The following JADE3 variants were observed in gnomAD, a reference collection of about 807,000 sequenced individuals.
JADE3 encodes protein Jade-3.
Under a neutral mutation model 50.1 loss-of-function variants are expected in JADE3, and 2 were observed. The ratio of observed to expected loss-of-function variants is 0.04; its 90% CI spans 0.02 to 0.13. JADE3 has a LOEUF of 0.13. Ranked by LOEUF, JADE3 falls within the 10% of genes least tolerant of loss-of-function variation. JADE3 has a pLI of 1.00. For missense variants in JADE3, 475 were observed against 634.4 expected (o/e 0.75, Z 2.70); for synonymous variants, 218 against 232.9 (o/e 0.94, Z 0.58).
chrX:47,045,452 G>C (rs1300975186), intron 8 of JADE3, among the ~76,000 whole-genome samples: 2 of 112,441 alleles, frequency 1.8e-5, no homozygotes, highest in Admixed American at 9.4e-5. Context: ...TAAAATAATA[G>C]CTAGAGACTT....
At chrX:46,925,099 A>C (rs1351072721) in intron 1 of JADE3, among the ~76,000 whole-genome samples, 2 of 112,010 alleles carry the variant, frequency 1.8e-5, no homozygotes, top group African/African-American at 3.2e-5. Context: ...TCAATCTAGA[A>C]AGGTTTAATT....
chrX:47,033,918 CCACTTG>C, intron 7 of JADE3, 130 bp downstream of exon 7: 1 of 519,628 alleles, frequency 1.9e-6, no homozygotes, highest in Non-Finnish European at 3.0e-6. Flanking sequence ...AATAGTACTT[CCACTTG>C]AGCTACCTCA....
chrX:46,985,772 G>A lies in JADE3; in HGVS notation c.106G>A (p.Glu36Lys). Residue 36 changes from glutamate to lysine, a missense_variant, in exon 3 of 11, where the codon GAA (glutamate) becomes AAA (lysine). Physicochemically the swap from Glu to Lys is moderately conservative, Grantham distance 56 (BLOSUM62 1). Around this residue, in one of 6 missense-constraint regions of JADE3, gnomAD observed 31 missense variants for 29.3 expected, o/e 1.06. Transcript: ENST00000614628. Reference sequence around the variant, plus strand: ...TAGGATCAAGTCAAAAATTCCAAATGAACACAAGAAACCTGCTGAGGTGAG... The same window carrying A: ...TAGGATCAAGTCAAAAATTCCAAATAAACACAAGAAACCTGCTGAGGTGAG... ...MYRIKSKIPNEHKKPAEVFRK... is the reference protein window; with the variant it reads ...MYRIKSKIPNKHKKPAEVFRK... The A allele has an allele frequency of 8.4e-7, 1 of 1,191,028 alleles. No homozygotes were observed. Among genetic ancestry groups the A allele is most frequent in the Non-Finnish European group, 1.1e-6 (1 of 877,263 alleles).
Position 47,039,009 on chromosome X carries a change from A to G in JADE3, c.916A>G (p.Ser306Gly). 8.3e-7 allele frequency: 1 copy of G among 1,202,761 alleles called. No individual in the cohort carries two copies. The highest frequency in any genetic ancestry group is 1.1e-6 in the Non-Finnish European group (1 of 888,026). Residue 306 changes from serine to glycine, a missense_variant, in exon 8 of 11, where the codon AGT becomes GGT. Around this residue, in one of 6 missense-constraint regions of JADE3, gnomAD observed 54 missense variants for 156.2 expected, o/e 0.35. Transcript: ENST00000614628. ...PITKISHIPP[S>G]RWALVCNLCK... ...CACGAAGATCTCCCACATCCCACCCAGTCGGTGGGCCTTAGTCTGCAACTT... is the reference window on the plus strand; with the variant it reads ...CACGAAGATCTCCCACATCCCACCCGGTCGGTGGGCCTTAGTCTGCAACTT...
chrX:47,038,712 A>C (rs1171580484), intron 7 of JADE3, among the ~76,000 whole-genome samples: 1 of 109,159 alleles, frequency 9.2e-6, no homozygotes, highest in African/African-American at 3.3e-5. Context: ...AATCATGCCT[A>C]GTCTATACTC....
At chrX:47,018,394 C>A (rs971282028) in intron 4 of JADE3, among the ~76,000 whole-genome samples, 3 of 108,924 alleles carry the variant, frequency 2.8e-5, no homozygotes, top group Non-Finnish European at 5.7e-5. Context: ...AGTGCAGTGG[C>A]GCGATCTGGG....
chrX:47,018,097 T>A (rs1928713534), intron 4 of JADE3, among the ~76,000 whole-genome samples: 1 of 111,237 alleles, frequency 9.0e-6, no homozygotes, highest in Non-Finnish European at 1.9e-5. Context: ...TATCCATATT[T>A]CATATAGTAA....
intron 1 of JADE3, among the ~76,000 whole-genome samples, chrX:46,939,609 G>GAAATGTA (rs1290412819): frequency 7.9e-4 from 88 of 111,980 alleles, no homozygotes; most frequent in African/African-American, 2.7e-3. Flanking sequence ...TTCAGGTACT[G>GAAATGTA]TTTCCACTGT....
intron 4 of JADE3, among the ~76,000 whole-genome samples, chrX:47,009,151 C>T (rs201736653): frequency 6.4e-5 from 7 of 110,117 alleles, no homozygotes; most frequent in East Asian, 5.7e-4. Flanking sequence ...AGTGAGACCT[C>T]GTCTCTACAA....
At chrX:47,002,979 C>T (rs1429562200) in intron 4 of JADE3, among the ~76,000 whole-genome samples, 2 of 111,423 alleles carry the variant, frequency 1.8e-5, no homozygotes, top group African/African-American at 3.3e-5. Flanking sequence ...TTCACCTCTA[C>T]TCCTAATGTG....
intron 4 of JADE3, 118 bp from the exon 5 acceptor site, chrX:47,024,606 C>T: frequency 2.4e-6 from 1 of 412,320 alleles, no homozygotes; most frequent in Non-Finnish European, 4.2e-6. Context: ...ATTTGTAAAA[C>T]CATTTGCTTT....
intron 1 of JADE3, among the ~76,000 whole-genome samples, chrX:46,944,300 C>G (rs1212249468): frequency 2.0e-5 from 1 of 49,739 alleles, no homozygotes; most frequent in Non-Finnish European, 3.4e-5. Context: ...TGAGATCTTT[C>G]TCACTTCTTT....
chrX:46,975,385 G>A (rs1556351356), intron 1 of JADE3, among the ~76,000 whole-genome samples: 1 of 112,224 alleles, frequency 8.9e-6, no homozygotes, highest in African/African-American at 3.2e-5. Flanking sequence ...CAGAAAGAAT[G>A]TTTTTATCAA....
intron 1 of JADE3, among the ~76,000 whole-genome samples, chrX:46,976,631 T>C (rs900343900): frequency 1.8e-5 from 2 of 111,997 alleles, no homozygotes; most frequent in Non-Finnish European, 3.8e-5. Context: ...AATAAACAGC[T>C]GAATAATATA....
chrX:47,004,433 C>CT (rs782151712), intron 4 of JADE3, among the ~76,000 whole-genome samples: 5 of 111,101 alleles, frequency 4.5e-5, no homozygotes, highest in African/African-American at 9.8e-5. Flanking sequence ...AATTTGAGTT[C>CT]TTTTTTTTGT....
In JADE3 at chrX:47,042,852, G is replaced by A. The variant is rs143819354; in HGVS notation, c.972+3787G>A. Among the ~76,000 whole-genome samples, 604 of 111,549 alleles carry A rather than the reference G, an allele frequency of 5.4e-3. 2 individuals carry two copies. Among genetic ancestry groups the A allele is most frequent in the Middle Eastern group, 0.033 (7 of 215 alleles). On this transcript the variant is annotated intron_variant, in intron 8 of 10. Transcript: ENST00000614628. ...ATTGTAGAGCCCTTGGGATGTGAAC[G>A]AACATAGGTAGTAGCCAGGCAGTGA...
intron 3 of JADE3, among the ~76,000 whole-genome samples, chrX:46,989,704 G>A (rs1172237384): frequency 2.7e-5 from 3 of 111,413 alleles, no homozygotes; most frequent in African/African-American, 9.8e-5. Flanking sequence ...TCCTCTTTGG[G>A]CTTTAGTCAG....
chrX:46,975,085 C>T (rs1031934286), intron 1 of JADE3, among the ~76,000 whole-genome samples: 38 of 112,589 alleles, frequency 3.4e-4, no homozygotes, highest in African/African-American at 1.2e-3. Flanking sequence ...TTAAGAATCA[C>T]TGCTTAGATC....
chrX:47,055,798 C>A (rs1929621811), intron 9 of JADE3, among the ~76,000 whole-genome samples: 1 of 112,078 alleles, frequency 8.9e-6, no homozygotes, highest in African/African-American at 3.2e-5. Context: ...ATTCAGCTTC[C>A]CAACCTGGCT....
Sources: gnomAD v4.1 joint callset for allele counts (sites outside exome capture counted in the v4.1 genomes callset) on GRCh38, gnomAD v4.1.1 for gene constraint, gnomAD v4.1.1 regional missense constraint, MANE v1.5 for transcripts, NCBI Gene and HGNC (gene_info 2026-07-23, HGNC 2026-07-21) for gene names.